Variants in BLOC1S2 observed in about 807,000 individuals in gnomAD.
The protein encoded by BLOC1S2 is biogenesis of lysosomal organelles complex 1 subunit 2.
Under a neutral mutation model 19.6 loss-of-function variants are expected in BLOC1S2, and 12 were observed. The ratio of observed to expected loss-of-function variants is 0.61; its 90% CI spans 0.39 to 0.99. The LOEUF (loss-of-function observed/expected upper bound fraction) is 0.99. Among genes scored for constraint, BLOC1S2 ranks in the 50% least tolerant of loss-of-function variants. The probability of loss-of-function intolerance (pLI) is 0.00; values close to 1 mark genes in which losing one functional copy is unlikely to be tolerated. For missense variants in BLOC1S2, 142 were observed against 171.0 expected, an observed-to-expected ratio of 0.83 and a Z score of 0.95; for synonymous variants, 66 against 64.1, an observed-to-expected ratio of 1.03 and a Z score of -0.14.
chr10:100,279,991 A>C, intron 4 of BLOC1S2, 133 bp downstream of exon 4: 1 of 471,498 alleles, frequency 2.1e-6, no homozygotes, highest in Non-Finnish European at 3.7e-6. Flanking sequence ...TAATATAATA[A>C]TAAATTACTA....
chr10:100,277,842 A>G, intron 4 of BLOC1S2, among the ~76,000 whole-genome samples: 1 of 118,694 alleles, frequency 8.4e-6, no homozygotes, highest in Non-Finnish European at 1.8e-5. Flanking sequence ...TGGGGGAGTC[A>G]GCCCCCCGCC....
At chr10:100,286,412 A>G (rs1848241883) in intron 1 of BLOC1S2, 193 bp downstream of exon 1, 6 of 1,462,410 alleles carry the variant, frequency 4.1e-6, no homozygotes, top group Admixed American at 2.5e-5. Flanking sequence ...CCCCTCGCCC[A>G]TACCCGGCAC....
chr10:100,282,058 C>A (rs1848123134), intron 2 of BLOC1S2, among the ~76,000 whole-genome samples: 1 of 152,070 alleles, frequency 6.6e-6, no homozygotes, highest in Non-Finnish European at 1.5e-5. Flanking sequence ...CCAAGACAAC[C>A]CCCTCCTCTT....
Position 100,286,629 on chromosome 10 carries a change from T to A in BLOC1S2, c.31A>T (p.Thr11Ser). ...CCTCGGGCGGGCTCATCACTCCGGG[T>A]CGCCAGTACGCCCTCGGCTGCCGCC... MAAAAEGVLA[T>S]RSDEPARDDA... is the part of the protein sequence containing the mutation. Residue 11 changes from threonine (T) to serine (S), a missense_variant, in exon 1 of 5, where the codon ACC (threonine) becomes TCC (serine). Physicochemically the swap from Thr to Ser is moderately conservative, Grantham distance 58 (BLOSUM62 1). Around this residue, in one of 2 missense-constraint regions of BLOC1S2, gnomAD observed 48 missense variants for 29.7 expected, o/e 1.61. Coordinates refer to ENST00000370372, the MANE Select transcript of BLOC1S2 (RefSeq NM_173809.5). 1 of 1,611,910 alleles carries A rather than the reference T, an allele frequency of 6.2e-7. No homozygotes were observed. Among genetic ancestry groups the A allele is most frequent in the Non-Finnish European group, 8.5e-7 (1 of 1,179,050 alleles).
In BLOC1S2 at chr10:100,274,668, T is replaced by TC. The variant is rs1442497943; in HGVS notation, c.*793dup. 7.3e-6 allele frequency: 2 copies of TC among 274,142 alleles called. No homozygotes were observed. The highest frequency in any genetic ancestry group is 2.2e-5 in the African/African-American group (1 of 46,088). 17.0% of individuals were successfully genotyped at this position (274,142 alleles called of 1,614,324 possible). A position where few individuals can be genotyped will look rare whatever the true frequency, so the allele number is the denominator to read the frequency against. ...AAAGAAGTCGATTAGGTCCCTAAGATCCCCCCAAATCCTACATACACAGTA... is the reference window on the plus strand; with the variant it reads ...AAAGAAGTCGATTAGGTCCCTAAGATCCCCCCCAAATCCTACATACACAGTA... On this transcript the variant is annotated 3_prime_UTR_variant, in exon 5 of 5. Transcript: ENST00000370372.
In BLOC1S2 at chr10:100,274,442, C is replaced by T. The variant is rs986258108; in HGVS notation, c.*1020G>A. 4 of 152,338 alleles carry T rather than the reference C, an allele frequency of 2.6e-5. No homozygotes were observed. The highest frequency in any genetic ancestry group is 9.7e-5 in the African/African-American group (4 of 41,360). 9.4% of individuals were successfully genotyped at this position (152,338 alleles called of 1,614,324 possible). A position where few individuals can be genotyped will look rare whatever the true frequency, so the allele number is the denominator to read the frequency against. On this transcript the variant is annotated 3_prime_UTR_variant, in exon 5 of 5. Coordinates refer to ENST00000370372, the MANE Select transcript of BLOC1S2 (RefSeq NM_173809.5). Reference sequence around the variant, plus strand: ...ATGAGAAGAGACCACAGCAACAGTCCAGGAAGAACAGAGGATAAATGATGA... The same window carrying T: ...ATGAGAAGAGACCACAGCAACAGTCTAGGAAGAACAGAGGATAAATGATGA...
rs745500716 is a variant in BLOC1S2 at position 100,280,920 on chromosome 10, A to G, written c.292+14T>C. The G allele has an allele frequency of 6.2e-7, 1 of 1,602,218 alleles. No individual in the cohort carries two copies. The highest frequency in any genetic ancestry group is 8.5e-7 in the Non-Finnish European group (1 of 1,175,312). On this transcript the variant is annotated intron_variant, in intron 3 of 4. Coordinates refer to ENST00000370372, the MANE Select transcript of BLOC1S2 (RefSeq NM_173809.5). ...TAAATACAAACATGTTTAATTACAA[A>G]TATTATTACTTACATTTCTGGTTTA...
At chr10:100,278,029 C>T (rs555731286) in intron 4 of BLOC1S2, among the ~76,000 whole-genome samples, 24 of 133,638 alleles carry the variant, frequency 1.8e-4, no homozygotes, top group African/African-American at 5.2e-4. Flanking sequence ...GCCCCCCGCC[C>T]GGCCAGCCGC....
At chr10:100,281,705 T>TATACAC (rs1370530311) in intron 2 of BLOC1S2, among the ~76,000 whole-genome samples, 1 of 69,824 alleles carries the variant, frequency 1.4e-5, no homozygotes, top group Non-Finnish European at 3.5e-5. Flanking sequence ...TATATATATA[T>TATACAC]ACACATACAC....
At chr10:100,283,025 T>C (rs1042951280) in intron 2 of BLOC1S2, 13 of 398,246 alleles carry the variant, frequency 3.3e-5, no homozygotes, top group South Asian at 2.5e-4. Context: ...TGGAATCCAA[T>C]GTACAAGTCA....
At chr10:100,277,154 C>A (rs1490206048) in intron 4 of BLOC1S2, among the ~76,000 whole-genome samples, 1 of 151,786 alleles carries the variant, frequency 6.6e-6, no homozygotes, top group Non-Finnish European at 1.5e-5. Context: ...TGTGCCCCGC[C>A]GCCCCATCTG....
rs71013439 is a variant in BLOC1S2 at position 100,281,711 on chromosome 10, T to TACACACACACACACACAC, written c.173-676_173-659dup. On this transcript the variant is annotated intron_variant, in intron 2 of 4. Transcript: ENST00000370372. ...AAAAAAAAATATATATATATACACA[T>TACACACACACACACACAC]ACACACACACACACACACACACACA... 3.7e-3 allele frequency among the ~76,000 whole-genome samples: 484 copies of TACACACACACACACACAC among 132,556 alleles called. 8 individuals are homozygous for TACACACACACACACACAC. Among genetic ancestry groups the TACACACACACACACACAC allele is most frequent in the African/African-American group, 0.012 (408 of 35,066 alleles). 87.0% of individuals were successfully genotyped at this position (132,556 alleles called of 152,430 possible).
At chr10:100,278,172 C>T (rs1218706108) in intron 4 of BLOC1S2, among the ~76,000 whole-genome samples, 1 of 147,812 alleles carries the variant, frequency 6.8e-6, no homozygotes, top group Admixed American at 6.6e-5. Flanking sequence ...GGGGGTCAGC[C>T]CCCTACCCGG....
rs1212885935 is a variant in BLOC1S2 at position 100,274,182 on chromosome 10, A to G, written c.*1280T>C. 1.3e-5 allele frequency: 2 copies of G among 152,056 alleles called. No individual in the cohort carries two copies. Among genetic ancestry groups the G allele is most frequent in the African/African-American group, 2.4e-5 (1 of 41,394 alleles). 9.4% of individuals were successfully genotyped at this position (152,056 alleles called of 1,614,324 possible). A position where few individuals can be genotyped will look rare whatever the true frequency, so the allele number is the denominator to read the frequency against. On this transcript the variant is annotated 3_prime_UTR_variant, in exon 5 of 5. Coordinates refer to ENST00000370372, the MANE Select transcript of BLOC1S2 (RefSeq NM_173809.5). Reference sequence around the variant, plus strand: ...TGAGGTGGGAAGATCAGTTGAGCCTAGGAGGTCAAGGTGAGCTATTATCAC... The same window carrying G: ...TGAGGTGGGAAGATCAGTTGAGCCTGGGAGGTCAAGGTGAGCTATTATCAC...
At chr10:100,280,583 T>C (rs1848078535) in intron 3 of BLOC1S2, among the ~76,000 whole-genome samples, 1 of 152,216 alleles carries the variant, frequency 6.6e-6, no homozygotes, top group Admixed American at 6.5e-5. Flanking sequence ...GGAAAAAATA[T>C]ATTCGACTAC....
rs746582049 is a variant in BLOC1S2 at position 100,280,141 on chromosome 10, G to A, written c.380C>T (p.Ala127Val). 7.6e-5 allele frequency: 122 copies of A among 1,612,982 alleles called. No individual in the cohort carries two copies. The Admixed American group carries it at 2.0e-3, about 27-fold the overall frequency. Reference protein sequence around the residue: ...ALEQAAYKLDAYSKKLEAKYK... With the variant: ...ALEQAAYKLDVYSKKLEAKYK... ...ACGGTTACCCAGTTTTTTTGAATAT[G>A]CATCCAACTTGTAAGCTGCCTGCTC... Residue 127 changes from alanine to valine, a missense_variant, in exon 4 of 5, where the codon GCA (alanine) becomes GTA (valine). Transcript: ENST00000370372.
intron 4 of BLOC1S2, among the ~76,000 whole-genome samples, chr10:100,275,756 C>A (rs1327590538): frequency 6.6e-6 from 1 of 151,284 alleles, no homozygotes; most frequent in African/African-American, 2.5e-5. Context: ...TAGACAGCTC[C>A]ACCAGGATGG....
chr10:100,281,333 G>C (rs1052814144), intron 2 of BLOC1S2, among the ~76,000 whole-genome samples: 2 of 152,088 alleles, frequency 1.3e-5, no homozygotes, highest in Non-Finnish European at 2.9e-5. Context: ...AGAAAAGGGA[G>C]GTAAAATAGT....
rs1215811299 is a variant in BLOC1S2 at position 100,278,092 on chromosome 10, G to A, written c.397+2032C>T. ...AGCCCCCCGCCGGGCCAGCCGCTCC[G>A]TCCGGGAGGGAGGTGGGGGGGCGGT... On this transcript the variant is annotated intron_variant, in intron 4 of 4. Transcript: ENST00000370372. 1.9e-4 allele frequency among the ~76,000 whole-genome samples: 22 copies of A among 118,898 alleles called. 1 individual carries two copies. Among genetic ancestry groups the A allele is most frequent in the Non-Finnish European group, 4.1e-4 (22 of 53,268 alleles). The allele number at this position is 118,898 out of a possible 152,430, so 78.0% of individuals were successfully genotyped here.
Sources: allele counts gnomAD v4.1 joint callset (sites outside exome capture counted in the v4.1 genomes callset), GRCh38; gene constraint gnomAD v4.1.1; regional missense constraint gnomAD v4.1.1; transcripts MANE v1.5; gene names NCBI Gene and HGNC (gene_info 2026-07-23, HGNC 2026-07-21).